FBXO11: variants seen among roughly 807,000 people sequenced by gnomAD.
FBXO11 encodes the protein F-box only protein 11.
In FBXO11, 13 loss-of-function variants were observed where a neutral mutation model predicts 117.0. The observed-to-expected ratio is 0.11, with a 90% CI of 0.07 to 0.18. The LOEUF (loss-of-function observed/expected upper bound fraction) is 0.18, where lower values mean the gene tolerates loss of function less well. Among genes scored for constraint, FBXO11 ranks in the 10% least tolerant of loss-of-function variants. FBXO11 has a pLI of 1.00. For missense variants in FBXO11, 767 were observed against 1,164.4 expected (o/e 0.66, Z 4.97); for synonymous variants, 490 against 380.5 (o/e 1.29, Z -3.35).
At chr2:47,900,796 A>ATACACGTATACACACACGTGTATATC (rs1678151783) in intron 1 of FBXO11, among the ~76,000 whole-genome samples, 3 of 99,966 alleles carry the variant, frequency 3.0e-5, no homozygotes, top group Admixed American at 9.9e-5. Flanking sequence ...ACGTGTATAT[A>ATACACGTATACACACACGTGTATATC]TATACACGTA....
intron 1 of FBXO11, among the ~76,000 whole-genome samples, chr2:47,844,452 G>A (rs1003043495): frequency 1.4e-4 from 21 of 152,094 alleles, no homozygotes; most frequent in African/African-American, 4.8e-4. Flanking sequence ...ATCCCCATAT[G>A]TGCAATAAAA....
At chr2:47,825,571 C>CTTTTTTTT (rs751404253) in intron 11 of FBXO11, among the ~76,000 whole-genome samples, 12 of 88,310 alleles carry the variant, frequency 1.4e-4, no homozygotes, top group African/African-American at 2.7e-4. Flanking sequence ...TCTTCTTCTT[C>CTTTTTTTT]TTTTTTTTTT....
At chr2:47,839,825 G>A (rs1018937709) in intron 1 of FBXO11, 56 bp from the exon 2 acceptor site, 17 of 1,523,330 alleles carry the variant, frequency 1.1e-5, no homozygotes, top group Non-Finnish European at 1.4e-5. Flanking sequence ...AAAGTTCTAT[G>A]GATACAGAAA....
chr2:47,812,678 C>T lies in FBXO11; in HGVS notation c.2227+556G>A, dbSNP rs566501799. Among the ~76,000 whole-genome samples, 42 of 152,212 alleles carry T rather than the reference C, an allele frequency of 2.8e-4. No homozygotes were observed. The South Asian group carries it at 7.9e-3, about 29-fold the overall frequency. ...TGGGTTATTGACATTTCAGGAACAGCGATAGATTTGCATTTGGCAGCTCTG... is the reference window on the plus strand; with the variant it reads ...TGGGTTATTGACATTTCAGGAACAGTGATAGATTTGCATTTGGCAGCTCTG... On this transcript the variant is annotated intron_variant, in intron 18 of 22. Coordinates refer to ENST00000403359, the MANE Select transcript of FBXO11 (RefSeq NM_001190274.2).
At chr2:47,861,845 T>C (rs367701658) in intron 1 of FBXO11, among the ~76,000 whole-genome samples, 1 of 152,028 alleles carries the variant, frequency 6.6e-6, no homozygotes, top group African/African-American at 2.4e-5. Context: ...GCACAATGAA[T>C]AGGGCACAGC....
intron 1 of FBXO11, among the ~76,000 whole-genome samples, chr2:47,861,465 C>A (rs1432906995): frequency 6.6e-6 from 1 of 151,990 alleles, no homozygotes; most frequent in Non-Finnish European, 1.5e-5. Flanking sequence ...CCCACAGGTG[C>A]ATACCACCAT....
At chr2:47,823,014 C>A in intron 12 of FBXO11, 129 bp downstream of exon 12, 1 of 605,352 alleles carries the variant, frequency 1.7e-6, no homozygotes, top group Non-Finnish European at 2.8e-6. Flanking sequence ...CAGACTTTAA[C>A]TAGGAAAATC....
At chr2:47,900,635 C>T (rs1304263293) in intron 1 of FBXO11, among the ~76,000 whole-genome samples, 1 of 36,096 alleles carries the variant, frequency 2.8e-5, no homozygotes, top group Non-Finnish European at 5.8e-5. Context: ...TATACACACA[C>T]GTACGTATAT....
At position 47,823,076 on chromosome 2, in the gene FBXO11, A is replaced by G. The variant is rs989559021; in HGVS notation, c.1616+67T>C. 6.4e-5 allele frequency: 74 copies of G among 1,152,574 alleles called. No homozygotes were observed. The African/African-American group carries it at 7.9e-4, about 12-fold the overall frequency. The allele number at this position is 1,152,574 out of a possible 1,614,324, so 71.4% of individuals were successfully genotyped here. On this transcript the variant is annotated intron_variant, in intron 12 of 22. Coordinates refer to ENST00000403359, the MANE Select transcript of FBXO11 (RefSeq NM_001190274.2). The stretch of plus-strand genomic sequence containing the variant: ...AAAAACTTTCAAGAGTTAAAGCTCA[A>G]TATCTTGACTTTTAAGCAAACCTTG...
At chr2:47,873,716 A>G (rs1572884564) in intron 1 of FBXO11, among the ~76,000 whole-genome samples, 1 of 152,102 alleles carries the variant, frequency 6.6e-6, no homozygotes, top group African/African-American at 2.4e-5. Context: ...TCAGTTTCCA[A>G]ACTGATTTAT....
At chr2:47,891,645 A>C (rs1023404724) in intron 1 of FBXO11, among the ~76,000 whole-genome samples, 5 of 152,318 alleles carry the variant, frequency 3.3e-5, no homozygotes, top group South Asian at 4.1e-4. Flanking sequence ...TTGGAAGAAG[A>C]ATTGCTGGAT....
At chr2:47,867,251 C>A (rs1366219994) in intron 1 of FBXO11, among the ~76,000 whole-genome samples, 1 of 152,204 alleles carries the variant, frequency 6.6e-6, no homozygotes, top group Non-Finnish European at 1.5e-5. Context: ...GTTCACTTTA[C>A]ATGTTTATCC....
chr2:47,888,918 T>G (rs1342241055), intron 1 of FBXO11, among the ~76,000 whole-genome samples: 1 of 152,240 alleles, frequency 6.6e-6, no homozygotes, highest in Non-Finnish European at 1.5e-5. Context: ...TGTTCTTGGT[T>G]GAGTACTTAA....
intron 1 of FBXO11, among the ~76,000 whole-genome samples, chr2:47,901,476 G>A (rs1017003140): frequency 6.6e-6 from 1 of 152,032 alleles, no homozygotes; most frequent in African/African-American, 2.4e-5. Context: ...TAATAAATGA[G>A]AAACTAATAA....
intron 1 of FBXO11, among the ~76,000 whole-genome samples, chr2:47,889,350 A>G (rs918475672): frequency 6.6e-6 from 1 of 152,188 alleles, no homozygotes; most frequent in Non-Finnish European, 1.5e-5. Flanking sequence ...TTCCTTAACC[A>G]CATCAGTAGC....
In FBXO11 at chr2:47,839,023, T is replaced by A; in HGVS notation, c.443-20A>T. 1 of 1,591,326 alleles carries A rather than the reference T, an allele frequency of 6.3e-7. No homozygotes were observed. Among genetic ancestry groups the A allele is most frequent in the Non-Finnish European group, 8.6e-7 (1 of 1,168,858 alleles). ...GTGCTGCTATAAAGAGATTAACATA[T>A]AAACTATCATTCGAGCAATAACTTT... On this transcript the variant is annotated intron_variant, in intron 3 of 22. Coordinates refer to ENST00000403359, the MANE Select transcript of FBXO11 (RefSeq NM_001190274.2).
At chr2:47,873,168 G>A (rs1216883678) in intron 1 of FBXO11, among the ~76,000 whole-genome samples, 4 of 152,180 alleles carry the variant, frequency 2.6e-5, no homozygotes, top group Admixed American at 2.0e-4. Flanking sequence ...AAATCTAGAC[G>A]CTAGCACTCA....
At chr2:47,901,173 A>G (rs1403298826) in intron 1 of FBXO11, among the ~76,000 whole-genome samples, 3 of 142,660 alleles carry the variant, frequency 2.1e-5, no homozygotes, top group Non-Finnish European at 3.1e-5. Context: ...ATATATATGT[A>G]TATATATGTG....
intron 14 of FBXO11, 89 bp from the exon 15 acceptor site, chr2:47,819,167 T>G: frequency 7.2e-7 from 1 of 1,390,318 alleles, no homozygotes; most frequent in South Asian, 1.4e-5. Flanking sequence ...AGTTAAAAAA[T>G]TTTCCATTTT....
Sources: allele counts gnomAD v4.1 joint callset (sites outside exome capture counted in the v4.1 genomes callset), GRCh38; gene constraint gnomAD v4.1.1; transcripts MANE v1.5; gene names NCBI Gene and HGNC (gene_info 2026-07-23, HGNC 2026-07-21).